MAP3K4: variants seen among roughly 807,000 people sequenced by gnomAD.
MAP3K4 encodes mitogen-activated protein kinase kinase kinase 4.
Under a neutral mutation model 185.6 loss-of-function variants are expected in MAP3K4, and 67 were observed. The observed-to-expected ratio is 0.36, with a 90% CI of 0.30 to 0.44. The LOEUF (loss-of-function observed/expected upper bound fraction) is 0.44, where lower values mean the gene tolerates loss of function less well. MAP3K4 is among the 20% of genes least tolerant of loss of function. MAP3K4 has a pLI of 1.00. For missense variants in MAP3K4, 1,551 were observed against 1,995.1 expected, an observed-to-expected ratio of 0.78 and a Z score of 4.24; for synonymous variants, 702 against 710.4, an observed-to-expected ratio of 0.99 and a Z score of 0.19.
chr6:161,111,053 G>A (rs369372165), intron 23 of MAP3K4, among the ~76,000 whole-genome samples: 39 of 152,300 alleles, frequency 2.6e-4, no homozygotes, highest in East Asian at 2.5e-3. Flanking sequence ...ATGTACAGTC[G>A]CTCGAGAAGA....
At chr6:160,993,750 A>C (rs62932463) in intron 1 of MAP3K4, among the ~76,000 whole-genome samples, 1 of 147,672 alleles carries the variant, frequency 6.8e-6, no homozygotes, top group African/African-American at 2.5e-5. Context: ...AAAAAAAAAA[A>C]CTTGACTTTT....
chr6:161,038,854 C>G (rs1190515910), intron 2 of MAP3K4, among the ~76,000 whole-genome samples: 1 of 152,150 alleles, frequency 6.6e-6, no homozygotes, highest in African/African-American at 2.4e-5. Flanking sequence ...CTCCCTCACT[C>G]ACATATGTGT....
intron 19 of MAP3K4, among the ~76,000 whole-genome samples, chr6:161,105,442 T>C (rs1778023452): frequency 6.6e-6 from 1 of 152,222 alleles, no homozygotes; most frequent in Non-Finnish European, 1.5e-5. Flanking sequence ...AGGAAGTTAA[T>C]TACCTTGCCC....
At chr6:161,004,101 G>A (rs745865619) in intron 1 of MAP3K4, among the ~76,000 whole-genome samples, 4 of 67,030 alleles carry the variant, frequency 6.0e-5, no homozygotes, top group Non-Finnish European at 1.8e-4. Context: ...CTGTAAGTCC[G>A]GAATATGTCC....
rs540809110 is a variant in MAP3K4, at chr6:161,099,528, T to C, written c.3674+1101T>C. ...CATTTAGCTTCCTAGTTTTTACGTT[T>C]AGAGCTTTTCATGGCAAATATCTTC... is the stretch of plus-strand genomic sequence containing the variant. On this transcript the variant is annotated intron_variant, in intron 17 of 26. Coordinates refer to ENST00000392142, the MANE Select transcript of MAP3K4 (RefSeq NM_005922.4). Among the ~76,000 whole-genome samples, 10 of 152,392 alleles carry C rather than the reference T, an allele frequency of 6.6e-5. No individual in the cohort carries two copies. The South Asian group carries it at 2.1e-3, about 32-fold the overall frequency.
chr6:161,045,762 T>C (rs1486082033), intron 2 of MAP3K4, among the ~76,000 whole-genome samples: 2 of 152,222 alleles, frequency 1.3e-5, no homozygotes, highest in African/African-American at 4.8e-5. Context: ...GTGGCCATTA[T>C]CAATAATGCA....
chr6:161,033,641 A>G (rs1400228467), intron 1 of MAP3K4, among the ~76,000 whole-genome samples: 2 of 152,158 alleles, frequency 1.3e-5, no homozygotes, highest in African/African-American at 2.4e-5. Context: ...ATCATTTTCA[A>G]GTGGTTCAGT....
Position 161,037,606 on chromosome 6 carries a change from C to T in MAP3K4, c.343+3157C>T, listed in dbSNP as rs1475006631. 2.6e-5 allele frequency among the ~76,000 whole-genome samples: 4 copies of T among 151,968 alleles called. No homozygotes were observed. Among genetic ancestry groups the T allele is most frequent in the Admixed American group, 6.6e-5 (1 of 15,238 alleles). On this transcript the variant is annotated intron_variant, in intron 2 of 26. Coordinates refer to ENST00000392142, the MANE Select transcript of MAP3K4 (RefSeq NM_005922.4). The surrounding 1 kb of genome is among the most constrained non-coding windows in gnomAD (Gnocchi z 4.2). Reference sequence around the variant, plus strand: ...ACTAATTTTGTATTTTTGGTAGAGACGATGTTTCGCTATGTTGGCCAGGCT... The same window carrying T: ...ACTAATTTTGTATTTTTGGTAGAGATGATGTTTCGCTATGTTGGCCAGGCT...
At position 161,056,695 on chromosome 6, in the gene MAP3K4, CTTT is replaced by C. The variant is rs1230798152; in HGVS notation, c.1707+6717_1707+6719del. Among the ~76,000 whole-genome samples, 1 of 152,186 alleles carries C rather than the reference CTTT, an allele frequency of 6.6e-6. No homozygotes were observed. Among genetic ancestry groups the C allele is most frequent in the African/African-American group, 2.4e-5 (1 of 41,452 alleles). On this transcript the variant is annotated intron_variant, in intron 3 of 26. Transcript: ENST00000392142. The surrounding 1 kb of genome is among the most constrained non-coding windows in gnomAD (Gnocchi z 5.4). ...AGTGTTTCAGTCAAGTTCCTTTTGTCTTTAGCCTTTTATAGTCAAAACACTATT... is the reference window on the plus strand; with the variant it reads ...AGTGTTTCAGTCAAGTTCCTTTTGTCAGCCTTTTATAGTCAAAACACTATT...
rs1030577935 is a variant in MAP3K4, at chr6:161,054,665, A to G, written c.1707+4686A>G. On this transcript the variant is annotated intron_variant, in intron 3 of 26. Coordinates refer to ENST00000392142, the MANE Select transcript of MAP3K4 (RefSeq NM_005922.4). This position sits in a 1 kb window ranked among gnomAD's most constrained non-coding sequence, Gnocchi z 4.2. ...AGGACACATTTCTAGTTACATAGGC[A>G]GTCTCTAATTGAAACAAATGGATTA... Among the ~76,000 whole-genome samples, 54 of 152,244 alleles carry G rather than the reference A, an allele frequency of 3.5e-4. No homozygotes were observed. The highest frequency in any genetic ancestry group is 1.3e-3 in the African/African-American group (53 of 41,472).
Position 161,096,186 on chromosome 6 carries a change from A to G in MAP3K4, c.3428-894A>G, listed in dbSNP as rs1777563007. On this transcript the variant is annotated intron_variant, in intron 15 of 26. Transcript: ENST00000392142. This position sits in a 1 kb window ranked among gnomAD's most constrained non-coding sequence, Gnocchi z 4.9. ...CTGTAAGGGAACTTCAGATCTCTCC[A>G]TTTTTACTACTTCTGTCTCTCTTGT... Among the ~76,000 whole-genome samples, 4 of 152,260 alleles carry G rather than the reference A, an allele frequency of 2.6e-5. No individual in the cohort carries two copies. The South Asian group carries it at 6.2e-4, about 24-fold the overall frequency.
In MAP3K4 at chr6:161,091,863, A is replaced by G. The variant is rs542060607; in HGVS notation, c.3136-147A>G. On this transcript the variant is annotated intron_variant, in intron 12 of 26. Transcript: ENST00000392142. This position sits in a 1 kb window ranked among gnomAD's most constrained non-coding sequence, Gnocchi z 5.5. ...TGCATTTTGAAACACTGTACTTTCCATAATTCTTCATACTATTCAAAATAT... is the reference window on the plus strand; with the variant it reads ...TGCATTTTGAAACACTGTACTTTCCGTAATTCTTCATACTATTCAAAATAT... 7.0e-5 allele frequency: 49 copies of G among 697,784 alleles called. 1 individual carries two copies. Among genetic ancestry groups the G allele is most frequent in the Non-Finnish European group, 1.1e-4 (49 of 428,142 alleles). 43.2% of individuals were successfully genotyped at this position (697,784 alleles called of 1,614,324 possible).
At position 161,097,142 on chromosome 6, in the gene MAP3K4, C is replaced by G; in HGVS notation, c.3490C>G (p.Pro1164Ala). Residue 1164 changes from proline to alanine, a missense_variant, in exon 16 of 27, where the codon CCA (proline) becomes GCA (alanine). Pro to Ala is a conservative substitution (Grantham distance 27, BLOSUM62 -1). Around this residue, in one of 16 missense-constraint regions of MAP3K4, gnomAD observed 272 missense variants for 301.2 expected, o/e 0.90. Coordinates refer to ENST00000392142, the MANE Select transcript of MAP3K4 (RefSeq NM_005922.4). This position sits in a 1 kb window ranked among gnomAD's most constrained non-coding sequence, Gnocchi z 4.9. ...VPRCHSDPPN[P>A]HLIIPTPEGF... ...TCGATGCCATAGTGACCCTCCTAACCCACACCTCATTATCCCCACTCCAGA... is the reference window on the plus strand; with the variant it reads ...TCGATGCCATAGTGACCCTCCTAACGCACACCTCATTATCCCCACTCCAGA... 6.2e-7 allele frequency: 1 copy of G among 1,614,152 alleles called. No homozygotes were observed.
chr6:161,016,651 A>G (rs1240044519), intron 1 of MAP3K4, among the ~76,000 whole-genome samples: 1 of 152,178 alleles, frequency 6.6e-6, no homozygotes, highest in Non-Finnish European at 1.5e-5. Flanking sequence ...TTGACCCTAG[A>G]CATACGAGTT....
At position 161,102,692 on chromosome 6, in the gene MAP3K4, C is replaced by G. The variant is rs369616945; in HGVS notation, c.3776-7C>G. The G allele has an allele frequency of 1.6e-5, 25 of 1,551,454 alleles. No homozygotes were observed. The African/African-American group carries it at 3.1e-4, about 19-fold the overall frequency. On this transcript the variant is annotated splice_region_variant and splice_polypyrimidine_tract_variant and intron_variant, in intron 18 of 26. Coordinates refer to ENST00000392142, the MANE Select transcript of MAP3K4 (RefSeq NM_005922.4). The stretch of plus-strand genomic sequence containing the variant: ...ATCTTAATTTGTATAAAAATAACTT[C>G]CTGCAGAACCAGCATATCCAAGAGG...
intron 5 of MAP3K4, among the ~76,000 whole-genome samples, chr6:161,079,315 C>T (rs571496084): frequency 5.1e-4 from 78 of 151,702 alleles, no homozygotes; most frequent in Admixed American, 1.4e-3. Context: ...CAGTGGTTCA[C>T]GCCTGTAATC....
In MAP3K4 at chr6:160,991,891, A is replaced by T; in HGVS notation, c.-41A>T. ...GCTCCGGTGCCCCGCGCCAGGCTGCAGCTTACTGCCCGCCGCGGCCATGCG... is the reference window on the plus strand; with the variant it reads ...GCTCCGGTGCCCCGCGCCAGGCTGCTGCTTACTGCCCGCCGCGGCCATGCG... On this transcript the variant is annotated 5_prime_UTR_variant, in exon 1 of 27. Transcript: ENST00000392142. The surrounding 1 kb of genome is among the most constrained non-coding windows in gnomAD (Gnocchi z 5.7). 3.4e-6 allele frequency: 5 copies of T among 1,478,150 alleles called. No homozygotes were observed. The highest frequency in any genetic ancestry group is 4.4e-6 in the Non-Finnish European group (5 of 1,123,786). The allele number at this position is 1,478,150 out of a possible 1,614,324, so 91.6% of individuals were successfully genotyped here.
At chr6:161,002,451 TC>T (rs1183981583) in intron 1 of MAP3K4, among the ~76,000 whole-genome samples, 1 of 152,158 alleles carries the variant, frequency 6.6e-6, no homozygotes, top group African/African-American at 2.4e-5. Context: ...AGTGAAATCT[TC>T]TCGCTTAATA....
rs139252272 is a variant in MAP3K4, at chr6:161,081,679, G to A, written c.2255+641G>A. On this transcript the variant is annotated intron_variant, in intron 6 of 26. Transcript: ENST00000392142. Reference sequence around the variant, plus strand: ...GTCAGTTCTAGGAAATGAACATCTTGCATGCAAGCTTGGGATCGCTGGGCA... The same window carrying A: ...GTCAGTTCTAGGAAATGAACATCTTACATGCAAGCTTGGGATCGCTGGGCA... 2.6e-3 allele frequency among the ~76,000 whole-genome samples: 389 copies of A among 152,256 alleles called. 1 individual carries two copies. The highest frequency in any genetic ancestry group is 8.8e-3 in the African/African-American group (365 of 41,546).
Sources: gnomAD v4.1 joint callset for allele counts (sites outside exome capture counted in the v4.1 genomes callset) on GRCh38, gnomAD v4.1.1 for gene constraint, gnomAD v4.1.1 regional missense constraint, Gnocchi (gnomAD v3.1) non-coding constraint, MANE v1.5 for transcripts, NCBI Gene and HGNC (gene_info 2026-07-23, HGNC 2026-07-21) for gene names.